Variants in SLC24A2 observed in about 807,000 individuals in gnomAD.
SLC24A2 encodes solute carrier family 24 member 2.
A neutral mutation model predicts 62.0 loss-of-function variants in SLC24A2; 36 were observed. The observed-to-expected ratio is 0.58, with a 90% CI of 0.44 to 0.77. The LOEUF (loss-of-function observed/expected upper bound fraction) is 0.77, where lower values mean the gene tolerates loss of function less well. Among genes scored for constraint, SLC24A2 ranks in the 30% least tolerant of loss-of-function variants. The pLI, the probability that SLC24A2 is intolerant of heterozygous loss-of-function variation, is 0.00. For synonymous variants in SLC24A2, 358 were observed against 294.0 expected (o/e 1.22, Z -2.23); for missense variants, 846 against 817.9 (o/e 1.03, Z -0.42).
rs767789215 is a variant in SLC24A2, at chr9:19,528,126, A to G, written c.1492T>C (p.Phe498Leu). 4 of 1,585,390 alleles carry G rather than the reference A, an allele frequency of 2.5e-6. No homozygotes were observed. The African/African-American group carries it at 5.4e-5, about 21-fold the overall frequency. Reference protein sequence around the residue: ...PDVRKPSSRKFFPITFFGSIT... With the variant: ...PDVRKPSSRKLFPITFFGSIT... ...GAGCCAAAGAACGTGATGGGAAAAA[A>G]CTTCCTCGATGACTGAAAGACAACC... is the stretch of plus-strand genomic sequence containing the variant. Residue 498 changes from phenylalanine (F) to leucine (L), a missense_variant, in exon 9 of 11, where the codon TTT (phenylalanine) becomes CTT (leucine). Phe to Leu is a conservative substitution (Grantham distance 22, BLOSUM62 0). Transcript: ENST00000341998.
the SLC24A2 span, among the ~76,000 whole-genome samples, chr9:20,111,722 A>C: frequency 6.6e-6 from 1 of 152,158 alleles, no homozygotes; most frequent in Non-Finnish European, 1.5e-5. Flanking sequence ...CTGGTTTAAC[A>C]CATCAGTAGA....
chr9:20,057,334 T>C, the SLC24A2 span, among the ~76,000 whole-genome samples: 1 of 152,208 alleles, frequency 6.6e-6, no homozygotes, highest in Non-Finnish European at 1.5e-5. Flanking sequence ...AAGTATTTTG[T>C]TTTACTGATG....
the SLC24A2 span, among the ~76,000 whole-genome samples, chr9:20,052,942 G>C: frequency 7.2e-5 from 11 of 152,112 alleles, no homozygotes; most frequent in African/African-American, 1.4e-4. Context: ...GAATTTCAAT[G>C]AGTTTTCTGT....
the SLC24A2 span, among the ~76,000 whole-genome samples, chr9:19,998,846 C>A: frequency 6.6e-6 from 1 of 152,310 alleles, no homozygotes; most frequent in Non-Finnish European, 1.5e-5. Context: ...CTATACATAG[C>A]AGCTTTCCTC....
the SLC24A2 span, among the ~76,000 whole-genome samples, chr9:20,044,242 G>A: frequency 2.1e-4 from 32 of 152,010 alleles, no homozygotes; most frequent in African/African-American, 7.2e-5. Flanking sequence ...CATGCACGAC[G>A]AAACCAAAAA....
rs1832750164 is a variant in SLC24A2, at chr9:19,512,369, T to G, written c.*3784A>C. The G allele has an allele frequency of 6.6e-6, 1 of 152,262 alleles. No individual in the cohort carries two copies. 9.4% of individuals were successfully genotyped at this position (152,262 alleles called of 1,614,324 possible). A position where few individuals can be genotyped will look rare whatever the true frequency, so the allele number is the denominator to read the frequency against. The stretch of plus-strand genomic sequence containing the variant: ...ATATAAAACAGTCTCCGCCTCTTTT[T>G]ATAATCTTCTGGGCAAGGCTTTAGG... On this transcript the variant is annotated 3_prime_UTR_variant, in exon 11 of 11. Coordinates refer to ENST00000341998, the MANE Select transcript of SLC24A2 (RefSeq NM_020344.4).
chr9:20,094,001 G>A, the SLC24A2 span, among the ~76,000 whole-genome samples: 1 of 152,068 alleles, frequency 6.6e-6, no homozygotes, highest in Non-Finnish European at 1.5e-5. Context: ...AAATAGTGTG[G>A]TCCCTGAGAG....
the SLC24A2 span, among the ~76,000 whole-genome samples, chr9:19,824,548 G>A: frequency 6.6e-6 from 1 of 152,114 alleles, no homozygotes; most frequent in African/African-American, 2.4e-5. Context: ...GTGGAGAAAT[G>A]GGAATGCTTT....
chr9:20,268,141 G>A, the SLC24A2 span, among the ~76,000 whole-genome samples: 1 of 152,222 alleles, frequency 6.6e-6, no homozygotes, highest in African/African-American at 2.4e-5. Flanking sequence ...TAACACTGAT[G>A]TGGGAAGCAT....
At chr9:19,772,333 C>A (rs2118897133) in intron 2 of SLC24A2, among the ~76,000 whole-genome samples, 1 of 152,214 alleles carries the variant, frequency 6.6e-6, no homozygotes, top group South Asian at 2.1e-4. Flanking sequence ...CCAAGGGTCT[C>A]AAATCACTCT....
chr9:19,836,761 C>T, the SLC24A2 span, among the ~76,000 whole-genome samples: 1 of 152,110 alleles, frequency 6.6e-6, no homozygotes, highest in Admixed American at 6.5e-5. Flanking sequence ...CAAAGCCTGG[C>T]AGAGACACAA....
At chr9:20,194,124 C>T in the SLC24A2 span, among the ~76,000 whole-genome samples, 1 of 151,812 alleles carries the variant, frequency 6.6e-6, no homozygotes, top group Non-Finnish European at 1.5e-5. Flanking sequence ...TTCCATCTTT[C>T]CACTAAGTAG....
intron 2 of SLC24A2, among the ~76,000 whole-genome samples, chr9:19,641,480 A>G (rs1818491412): frequency 6.6e-6 from 1 of 151,478 alleles, no homozygotes; most frequent in Non-Finnish European, 1.5e-5. Context: ...ATTACAAAAC[A>G]TCTTCACATT....
At chr9:19,856,739 G>A in the SLC24A2 span, among the ~76,000 whole-genome samples, 1 of 152,290 alleles carries the variant, frequency 6.6e-6, no homozygotes, top group African/African-American at 2.4e-5. Context: ...GTCTGGCAGT[G>A]CCTGTTGGAG....
the SLC24A2 span, among the ~76,000 whole-genome samples, chr9:20,040,518 C>G: frequency 6.6e-6 from 1 of 152,154 alleles, no homozygotes; most frequent in Non-Finnish European, 1.5e-5. Context: ...ATGTGCGTCA[C>G]CCATTTCTTT....
chr9:19,998,318 A>G, the SLC24A2 span, among the ~76,000 whole-genome samples: 1 of 152,082 alleles, frequency 6.6e-6, no homozygotes, highest in African/African-American at 2.4e-5. Flanking sequence ...ACTCGCCCAC[A>G]CATACCCTGT....
At chr9:19,722,345 C>G (rs901061497) in intron 2 of SLC24A2, among the ~76,000 whole-genome samples, 4 of 152,030 alleles carry the variant, frequency 2.6e-5, no homozygotes, top group Admixed American at 6.6e-5. Flanking sequence ...TTGAGCTGAA[C>G]TGAGAATGCT....
intron 5 of SLC24A2, among the ~76,000 whole-genome samples, chr9:19,585,097 G>A (rs771448686): frequency 1.1e-4 from 16 of 151,944 alleles, no homozygotes; most frequent in Non-Finnish European, 1.8e-4. Context: ...ATGAGGCAGC[G>A]GAATTTCCTT....
chr9:19,671,256 C>T (rs528261272), intron 2 of SLC24A2, among the ~76,000 whole-genome samples: 5 of 151,890 alleles, frequency 3.3e-5, no homozygotes, highest in African/African-American at 1.2e-4. Context: ...TTGTAGAAGT[C>T]TTTTACCTCC....
Sources: allele counts gnomAD v4.1 joint callset (sites outside exome capture counted in the v4.1 genomes callset), GRCh38; gene constraint gnomAD v4.1.1; transcripts MANE v1.5; gene names NCBI Gene and HGNC (gene_info 2026-07-23, HGNC 2026-07-21).